DLG2: variants seen among roughly 807,000 people sequenced by gnomAD.
DLG2 encodes the protein disks large homolog 2.
In DLG2, 45 loss-of-function variants were observed where a neutral mutation model predicts 132.5. The ratio of observed to expected loss-of-function variants is 0.34; its 90% CI spans 0.27 to 0.44. DLG2 has a LOEUF of 0.44. DLG2 is among the 20% of genes least tolerant of loss of function. DLG2 has a pLI of 1.00. For missense variants in DLG2, 1,045 were observed against 1,196.9 expected, an observed-to-expected ratio of 0.87 and a Z score of 1.87; for synonymous variants, 424 against 419.6, an observed-to-expected ratio of 1.01 and a Z score of -0.13.
intron 7 of DLG2, among the ~76,000 whole-genome samples, chr11:84,468,672 C>T (rs1343155181): frequency 6.6e-6 from 1 of 151,444 alleles, no homozygotes; most frequent in Non-Finnish European, 1.5e-5. Flanking sequence ...TAGATCTTAG[C>T]TCTTTCTTTA....
intron 6 of DLG2, among the ~76,000 whole-genome samples, chr11:84,829,331 G>T (rs1207158644): frequency 7.3e-5 from 11 of 151,554 alleles, no homozygotes; most frequent in African/African-American, 2.7e-4. Context: ...ATTTTTCTCT[G>T]CCTGAAGACT....
At chr11:83,854,722 T>G (rs564922892) in intron 16 of DLG2, among the ~76,000 whole-genome samples, 2 of 152,242 alleles carry the variant, frequency 1.3e-5, no homozygotes, top group Admixed American at 1.3e-4. Context: ...AAAGGCATGA[T>G]TCATGAAAGA....
At chr11:84,316,117 G>C (rs1025048390) in intron 7 of DLG2, among the ~76,000 whole-genome samples, 9 of 152,216 alleles carry the variant, frequency 5.9e-5, no homozygotes, top group African/African-American at 2.2e-4. Context: ...CTGGGGGCTA[G>C]AATAACCTAG....
At chr11:85,239,154 G>A (rs2075749866) in intron 4 of DLG2, among the ~76,000 whole-genome samples, 1 of 152,034 alleles carries the variant, frequency 6.6e-6, no homozygotes, top group Non-Finnish European at 1.5e-5. Context: ...TGGAGATAAT[G>A]AGGGTTACAC....
chr11:83,902,705 A>G (rs1281306758), intron 15 of DLG2, among the ~76,000 whole-genome samples: 1 of 152,100 alleles, frequency 6.6e-6, no homozygotes, highest in Admixed American at 6.6e-5. Context: ...GAAGACAGAA[A>G]TGCATCCCAA....
In DLG2 at chr11:83,520,668, A is replaced by AGATAGATAGAT. The variant is rs1565616050; in HGVS notation, c.2193+12039_2193+12040insATCTATCTATC. On this transcript the variant is annotated intron_variant, in intron 21 of 27. Coordinates refer to ENST00000376104, the MANE Select transcript of DLG2 (RefSeq NM_001142699.3). ...ATAGATAGATAGATAGATAGATAGA[A>AGATAGATAGAT]AGAAAGACAGACAGGTAAGTAGGTA... Among the ~76,000 whole-genome samples the AGATAGATAGAT allele has an allele frequency of 3.9e-3, 295 of 76,216 alleles. 1 individual carries two copies. The highest frequency in any genetic ancestry group is 0.012 in the African/African-American group (281 of 24,216). The allele number at this position is 76,216 out of a possible 152,430, so 50.0% of individuals were successfully genotyped here.
rs1362081699 is a variant in DLG2, at chr11:84,972,923, T to C, written c.357+138738A>G. On this transcript the variant is annotated intron_variant, in intron 6 of 27. Coordinates refer to ENST00000376104, the MANE Select transcript of DLG2 (RefSeq NM_001142699.3). ...TCCATTGTATTCTAGCTGTGACCTT[T>C]GGCCAATCTAAGCCTCAGTTTTTTG... Among the ~76,000 whole-genome samples the C allele has an allele frequency of 2.0e-5, 3 of 152,010 alleles. No homozygotes were observed. The East Asian group carries it at 5.8e-4, about 29-fold the overall frequency.
intron 15 of DLG2, among the ~76,000 whole-genome samples, chr11:83,929,576 T>C (rs1048105790): frequency 6.6e-6 from 1 of 152,242 alleles, no homozygotes; most frequent in Non-Finnish European, 1.5e-5. Flanking sequence ...ATAATTTCTT[T>C]ACAAAGTTGT....
chr11:85,268,165 G>A (rs2077328961), intron 4 of DLG2, among the ~76,000 whole-genome samples: 1 of 152,076 alleles, frequency 6.6e-6, no homozygotes, highest in Admixed American at 6.6e-5. Flanking sequence ...TCATGCATGT[G>A]AAAGGAAAAT....
intron 6 of DLG2, among the ~76,000 whole-genome samples, chr11:84,858,073 T>C (rs2083038154): frequency 6.6e-6 from 1 of 151,978 alleles, no homozygotes; most frequent in Non-Finnish European, 1.5e-5. Flanking sequence ...TTGTATTTTT[T>C]GTAGAGATAA....
chr11:84,552,455 C>G (rs1180694639), intron 6 of DLG2, among the ~76,000 whole-genome samples: 2 of 152,166 alleles, frequency 1.3e-5, no homozygotes, highest in African/African-American at 4.8e-5. Flanking sequence ...TTTGCCATGT[C>G]TTTAACGTCA....
chr11:83,994,719 C>G (rs547265802), intron 11 of DLG2, among the ~76,000 whole-genome samples: 2 of 152,172 alleles, frequency 1.3e-5, no homozygotes, highest in Non-Finnish European at 2.9e-5. Context: ...GCTGCAATAA[C>G]AAAGTACTAA....
At chr11:83,684,183 C>T (rs1021340924) in intron 18 of DLG2, among the ~76,000 whole-genome samples, 2 of 152,012 alleles carry the variant, frequency 1.3e-5, no homozygotes, top group South Asian at 2.1e-4. Context: ...TAACTCCTAC[C>T]GTAAGTCAGT....
rs1165183515 is a variant in DLG2, at chr11:83,965,415, T to C, written c.1110A>G (p.Leu370=). 2 of 1,611,666 alleles carry C rather than the reference T, an allele frequency of 1.2e-6. No individual in the cohort carries two copies. Among genetic ancestry groups the C allele is most frequent in the South Asian group, 1.1e-5 (1 of 90,950 alleles). ...EVTHEEAVAI[L]KNTSEVVYLK... ...AATAAACTACCTCTGATGTGTTCTT[T>C]AATATTGCTACTGCCTCTTCGTGTG... Residue 370 remains leucine (L), a synonymous_variant, in exon 13 of 28, where the codon TTA becomes TTG. Transcript: ENST00000376104.
chr11:84,244,338 C>T (rs2097273809), intron 8 of DLG2, among the ~76,000 whole-genome samples: 1 of 152,104 alleles, frequency 6.6e-6, no homozygotes, highest in Non-Finnish European at 1.5e-5. Flanking sequence ...TGCCCACCAC[C>T]ACACCTGGGT....
intron 4 of DLG2, among the ~76,000 whole-genome samples, chr11:85,232,733 T>C (rs1036218174): frequency 3.0e-4 from 46 of 151,954 alleles, no homozygotes; most frequent in South Asian, 2.1e-4. Flanking sequence ...CTCTAAAGCA[T>C]ACGTGAATTC....
At chr11:85,289,325 G>A (rs149170064) in intron 3 of DLG2, among the ~76,000 whole-genome samples, 111 of 151,966 alleles carry the variant, frequency 7.3e-4, no homozygotes, top group African/African-American at 2.5e-3. Context: ...TCAGGCCCTC[G>A]CCATCTGTTA....
intron 6 of DLG2, among the ~76,000 whole-genome samples, chr11:85,081,747 T>G (rs775697422): frequency 3.9e-5 from 6 of 152,176 alleles, no homozygotes; most frequent in African/African-American, 1.4e-4. Context: ...AGAATTGCCC[T>G]CCAATATTCC....
chr11:85,412,086 C>A (rs1465719114), intron 3 of DLG2, among the ~76,000 whole-genome samples: 1 of 151,788 alleles, frequency 6.6e-6, no homozygotes, highest in Non-Finnish European at 1.5e-5. Context: ...CATGTCCTAT[C>A]TTCTTTTCCA....
Sources: gnomAD v4.1 joint callset for allele counts (sites outside exome capture counted in the v4.1 genomes callset) on GRCh38, gnomAD v4.1.1 for gene constraint, MANE v1.5 for transcripts, NCBI Gene and HGNC (gene_info 2026-07-23, HGNC 2026-07-21) for gene names.